The following CACNA2D3 variants were observed in gnomAD, a reference collection of about 807,000 sequenced individuals.
CACNA2D3 encodes the protein calcium voltage-gated channel auxiliary subunit alpha2delta 3, also known as voltage-dependent calcium channel subunit alpha-2/delta-3.
In CACNA2D3, 60 loss-of-function variants were observed where a neutral mutation model predicts 160.6. The ratio of observed to expected loss-of-function variants is 0.37; its 90% CI spans 0.30 to 0.46. CACNA2D3 has a LOEUF of 0.46. CACNA2D3 is among the 20% of genes least tolerant of loss of function. The pLI is 1.00. For missense variants in CACNA2D3, 1,205 were observed against 1,365.0 expected, an observed-to-expected ratio of 0.88 and a Z score of 1.85; for synonymous variants, 558 against 492.9, an observed-to-expected ratio of 1.13 and a Z score of -1.75.
chr3:54,388,256 A>G (rs927069170), intron 4 of CACNA2D3, among the ~76,000 whole-genome samples: 1 of 152,228 alleles, frequency 6.6e-6, no homozygotes, highest in African/African-American at 2.4e-5. Context: ...ATAGACACCC[A>G]TGGTGAGCTG....
intron 27 of CACNA2D3, among the ~76,000 whole-genome samples, chr3:54,940,344 T>C (rs1334989362): frequency 1.3e-5 from 2 of 152,248 alleles, no homozygotes; most frequent in Non-Finnish European, 1.5e-5. Context: ...TCAACTTCCC[T>C]GTAGTATAGT....
intron 11 of CACNA2D3, among the ~76,000 whole-genome samples, chr3:54,685,157 CTT>C (rs1207929961): frequency 6.6e-6 from 1 of 152,168 alleles, no homozygotes; most frequent in African/African-American, 2.4e-5. Context: ...GAGGGATGGA[CTT>C]CCTGAGGCCA....
chr3:54,460,730 A>T (rs1700487613), intron 4 of CACNA2D3, among the ~76,000 whole-genome samples: 1 of 152,204 alleles, frequency 6.6e-6, no homozygotes, highest in Non-Finnish European at 1.5e-5. Flanking sequence ...AACAGGGACA[A>T]TTTGACTTCC....
At chr3:54,623,196 T>A (rs962108602) in intron 9 of CACNA2D3, among the ~76,000 whole-genome samples, 3 of 150,214 alleles carry the variant, frequency 2.0e-5, no homozygotes, top group African/African-American at 7.3e-5. Context: ...AGCCTTGTTG[T>A]CCCCATCCTG....
intron 11 of CACNA2D3, among the ~76,000 whole-genome samples, chr3:54,699,429 A>G (rs1461102776): frequency 3.3e-5 from 5 of 152,132 alleles, no homozygotes; most frequent in Non-Finnish European, 7.3e-5. Flanking sequence ...ATCCTTTGGG[A>G]AACAGCCTGC....
intron 34 of CACNA2D3, among the ~76,000 whole-genome samples, chr3:55,013,404 A>G (rs1703252896): frequency 6.6e-6 from 1 of 152,184 alleles, no homozygotes; most frequent in African/African-American, 2.4e-5. Flanking sequence ...TTTCCATTTT[A>G]TGGATGAAGA....
At chr3:54,648,189 C>A (rs955061176) in intron 11 of CACNA2D3, among the ~76,000 whole-genome samples, 1 of 152,126 alleles carries the variant, frequency 6.6e-6, no homozygotes, top group African/African-American at 2.4e-5. Flanking sequence ...CAAATCTGGC[C>A]CATTGCCTGC....
intron 11 of CACNA2D3, among the ~76,000 whole-genome samples, chr3:54,733,485 A>G (rs894438445): frequency 2.0e-5 from 3 of 152,206 alleles, no homozygotes; most frequent in African/African-American, 7.2e-5. Flanking sequence ...TAAGCTGGTT[A>G]TGAAAATTCT....
intron 11 of CACNA2D3, among the ~76,000 whole-genome samples, chr3:54,707,426 A>G (rs536642948): frequency 2.0e-5 from 3 of 152,206 alleles, no homozygotes; most frequent in Non-Finnish European, 4.4e-5. Context: ...CCTGCCATCA[A>G]TCCGATGCCT....
At chr3:54,498,668 G>A (rs1701241414) in intron 4 of CACNA2D3, among the ~76,000 whole-genome samples, 1 of 151,768 alleles carries the variant, frequency 6.6e-6, no homozygotes, top group Non-Finnish European at 1.5e-5. Flanking sequence ...TCTTAAGGTA[G>A]ACTATTTATC....
At chr3:54,622,597 T>A (rs13060432) in intron 9 of CACNA2D3, among the ~76,000 whole-genome samples, 120,359 of 150,824 alleles carry the variant, frequency 0.8, 48,884 homozygotes, top group African/African-American at 0.87. Flanking sequence ...TTTTTTTTTT[T>A]AAATCAGAGT....
chr3:54,927,561 C>G (rs1701057503), intron 27 of CACNA2D3, among the ~76,000 whole-genome samples: 1 of 152,100 alleles, frequency 6.6e-6, no homozygotes, highest in South Asian at 2.1e-4. Context: ...AAAGGCTTGC[C>G]TCTCTGAGAT....
At chr3:54,856,491 T>A (rs1699173881) in intron 17 of CACNA2D3, among the ~76,000 whole-genome samples, 1 of 152,142 alleles carries the variant, frequency 6.6e-6, no homozygotes, top group Non-Finnish European at 1.5e-5. Flanking sequence ...TGTCCTTCCC[T>A]CACTTGGCAT....
intron 27 of CACNA2D3, among the ~76,000 whole-genome samples, chr3:54,950,800 G>T (rs998274323): frequency 1.2e-4 from 19 of 152,154 alleles, no homozygotes; most frequent in African/African-American, 3.9e-4. Context: ...TAAACGGGAA[G>T]GGACGCACAG....
At chr3:54,480,563 G>A (rs1452359432) in intron 4 of CACNA2D3, among the ~76,000 whole-genome samples, 5 of 152,110 alleles carry the variant, frequency 3.3e-5, no homozygotes, top group South Asian at 4.1e-4. Flanking sequence ...AAAAGCAGGG[G>A]TCACAAACAA....
At chr3:54,818,703 C>T (rs1421038614) in intron 14 of CACNA2D3, among the ~76,000 whole-genome samples, 1 of 152,140 alleles carries the variant, frequency 6.6e-6, no homozygotes, top group Non-Finnish European at 1.5e-5. Context: ...TTCCCTGTCT[C>T]CGAATGATGT....
At chr3:54,206,404 C>G (rs1049360188) in intron 2 of CACNA2D3, among the ~76,000 whole-genome samples, 2 of 152,108 alleles carry the variant, frequency 1.3e-5, no homozygotes, top group African/African-American at 4.8e-5. Flanking sequence ...GACTAAAACT[C>G]TATTGAGATG....
At chr3:54,960,442 C>CT (rs1392132357) in intron 27 of CACNA2D3, among the ~76,000 whole-genome samples, 5 of 152,316 alleles carry the variant, frequency 3.3e-5, no homozygotes, top group African/African-American at 9.6e-5. Context: ...TATTTCTTCA[C>CT]TTGCACTAGG....
chr3:54,392,088 T>C (rs1699291996), intron 4 of CACNA2D3, among the ~76,000 whole-genome samples: 1 of 152,236 alleles, frequency 6.6e-6, no homozygotes, highest in Non-Finnish European at 1.5e-5. Context: ...CTACCCTATG[T>C]CTCAGTTATT....
Sources: gnomAD v4.1 joint callset for allele counts (sites outside exome capture counted in the v4.1 genomes callset) on GRCh38, gnomAD v4.1.1 for gene constraint, MANE v1.5 for transcripts, NCBI Gene and HGNC (gene_info 2026-07-23, HGNC 2026-07-21) for gene names.